ABLIM1: variants seen among roughly 807,000 people sequenced by gnomAD.
ABLIM1 encodes actin binding LIM protein 1.
In ABLIM1, 40 loss-of-function variants were observed where a neutral mutation model predicts 107.0. The observed-to-expected ratio is 0.37, with a 90% CI of 0.29 to 0.49. The LOEUF (loss-of-function observed/expected upper bound fraction) is 0.49. Ranked by LOEUF, ABLIM1 falls within the 20% of genes least tolerant of loss-of-function variation. ABLIM1 has a pLI of 0.97. For missense variants in ABLIM1, 857 were observed against 1,008.5 expected, an observed-to-expected ratio of 0.85 and a Z score of 2.04; for synonymous variants, 357 against 357.3, an observed-to-expected ratio of 1.00 and a Z score of 0.01.
chr10:114,716,449 C>G (rs2081665734), intron 1 of ABLIM1, among the ~76,000 whole-genome samples: 2 of 147,124 alleles, frequency 1.4e-5, no homozygotes, highest in Admixed American at 1.3e-4. Context: ...ACACACCCCT[C>G]CCCACAGCCT....
intron 1 of ABLIM1, among the ~76,000 whole-genome samples, chr10:114,608,785 C>A (rs1308925974): frequency 6.6e-6 from 1 of 151,998 alleles, no homozygotes; most frequent in African/African-American, 2.4e-5. Flanking sequence ...GCGGCCAAGG[C>A]GGGTGGATCA....
chr10:114,460,301 G>A (rs2063593446), intron 12 of ABLIM1, among the ~76,000 whole-genome samples: 1 of 152,076 alleles, frequency 6.6e-6, no homozygotes, highest in Non-Finnish European at 1.5e-5. Flanking sequence ...CAGAATGATG[G>A]CATCAAAAAT....
intron 1 of ABLIM1, among the ~76,000 whole-genome samples, chr10:114,696,907 G>T (rs550159909): frequency 2.6e-5 from 4 of 152,140 alleles, no homozygotes; most frequent in Non-Finnish European, 5.9e-5. Context: ...CTGAGATACT[G>T]GGAGTTAGGG....
intron 12 of ABLIM1, among the ~76,000 whole-genome samples, chr10:114,461,020 CATTTTTTCTTAAAT>C (rs2063778444): frequency 6.6e-6 from 1 of 152,054 alleles, no homozygotes; most frequent in Non-Finnish European, 1.5e-5. Context: ...ATCAATAATG[CATTTTTTCTTAAAT>C]ATCAGAAATA....
At chr10:114,786,239 A>C in the ABLIM1 span, among the ~76,000 whole-genome samples, 1 of 152,200 alleles carries the variant, frequency 6.6e-6, no homozygotes, top group Non-Finnish European at 1.5e-5. Context: ...ATGGTCTGAA[A>C]CAAAAACATA....
chr10:114,571,511 A>C lies in ABLIM1; in HGVS notation c.564-105T>G, dbSNP rs568593678. The C allele has an allele frequency of 1.4e-5, 15 of 1,100,608 alleles. No individual in the cohort carries two copies. The African/African-American group carries it at 2.0e-4, about 15-fold the overall frequency. The allele number at this position is 1,100,608 out of a possible 1,614,324, so 68.2% of individuals were successfully genotyped here. A position where few individuals can be genotyped will look rare whatever the true frequency, so the allele number is the denominator to read the frequency against. ...CCGGTGCCCATTTATTTCTTGGAGA[A>C]GCAGCAGCCAACATGTCTGAAATGC... is the stretch of plus-strand genomic sequence containing the variant. On this transcript the variant is annotated intron_variant, in intron 3 of 22. Transcript: ENST00000533213.
At chr10:114,560,475 T>C (rs1362612524) in intron 4 of ABLIM1, among the ~76,000 whole-genome samples, 1 of 152,220 alleles carries the variant, frequency 6.6e-6, no homozygotes, top group Non-Finnish European at 1.5e-5. Flanking sequence ...CCTTACCCTT[T>C]CTATGTATAG....
chr10:114,489,080 C>T (rs2058586001), intron 7 of ABLIM1, among the ~76,000 whole-genome samples: 1 of 151,970 alleles, frequency 6.6e-6, no homozygotes, highest in African/African-American at 2.4e-5. Flanking sequence ...GCAAGTGGCA[C>T]AATCTCAGCT....
At chr10:114,704,962 A>G (rs2081390796) in intron 1 of ABLIM1, among the ~76,000 whole-genome samples, 1 of 152,212 alleles carries the variant, frequency 6.6e-6, no homozygotes, top group Non-Finnish European at 1.5e-5. Flanking sequence ...AGGATTCGGT[A>G]GTCATGCCCC....
chr10:114,612,037 T>C (rs764358236), intron 1 of ABLIM1, among the ~76,000 whole-genome samples: 4 of 152,190 alleles, frequency 2.6e-5, no homozygotes, highest in Non-Finnish European at 5.9e-5. Context: ...GGGCCAAGAA[T>C]ACATGCCCGA....
chr10:114,571,193 ACT>A (rs2071628671), intron 4 of ABLIM1, 102 bp downstream of exon 4: 1 of 908,554 alleles, frequency 1.1e-6, no homozygotes, highest in African/African-American at 1.6e-5. Context: ...TAGATAGATG[ACT>A]CTCATTTCCA....
At chr10:114,594,427 T>C (rs2075215232) in intron 2 of ABLIM1, among the ~76,000 whole-genome samples, 2 of 152,194 alleles carry the variant, frequency 1.3e-5, no homozygotes, top group Admixed American at 1.3e-4. Flanking sequence ...AAGCAATTGA[T>C]AAATCTTTGT....
At chr10:114,794,583 A>G in the ABLIM1 span, among the ~76,000 whole-genome samples, 1 of 152,240 alleles carries the variant, frequency 6.6e-6, no homozygotes. Context: ...TTGAGGATAC[A>G]TATTTGTGTT....
At chr10:114,708,071 G>A (rs992748952) in intron 1 of ABLIM1, among the ~76,000 whole-genome samples, 6 of 152,178 alleles carry the variant, frequency 3.9e-5, no homozygotes, top group South Asian at 2.1e-4. Context: ...GCAACTCAAC[G>A]GTCTTGATGA....
At chr10:114,465,453 C>T (rs2064951894) in intron 12 of ABLIM1, 2 of 359,202 alleles carry the variant, frequency 5.6e-6, no homozygotes, top group Non-Finnish European at 9.1e-6. Flanking sequence ...AAACCCCTTG[C>T]TTCCAGTAGC....
intron 1 of ABLIM1, among the ~76,000 whole-genome samples, chr10:114,695,036 G>A (rs2081166757): frequency 6.6e-6 from 1 of 152,196 alleles, no homozygotes; most frequent in African/African-American, 2.4e-5. Context: ...GCATGTTACA[G>A]TTAGAGGAAG....
chr10:114,611,434 A>T lies in ABLIM1; in HGVS notation c.245-9473T>A, dbSNP rs185474324. ...GTTGCTGAGCTGAGATCACACGACT[A>T]CACACTAGCCTGGGTGACAGGTGAG... On this transcript the variant is annotated intron_variant, in intron 1 of 22. Coordinates refer to ENST00000533213, the MANE Select transcript of ABLIM1 (RefSeq NM_002313.7). Among the ~76,000 whole-genome samples, 583 of 151,650 alleles carry T rather than the reference A, an allele frequency of 3.8e-3. 6 individuals carry two copies. Among genetic ancestry groups the T allele is most frequent in the African/African-American group, 0.013 (551 of 41,374 alleles).
intron 6 of ABLIM1, among the ~76,000 whole-genome samples, chr10:114,536,948 G>A (rs1412313495): frequency 6.6e-6 from 1 of 152,152 alleles, no homozygotes; most frequent in Non-Finnish European, 1.5e-5. Context: ...AAACACAGCA[G>A]ACTCTATGAG....
intron 2 of ABLIM1, among the ~76,000 whole-genome samples, chr10:114,597,172 G>C: frequency 6.6e-6 from 1 of 152,194 alleles, no homozygotes; most frequent in Non-Finnish European, 1.5e-5. Flanking sequence ...TTTAGGACTT[G>C]GCTGCAATTG....
Sources: allele counts gnomAD v4.1 joint callset (sites outside exome capture counted in the v4.1 genomes callset), GRCh38; gene constraint gnomAD v4.1.1; transcripts MANE v1.5; gene names NCBI Gene and HGNC (gene_info 2026-07-23, HGNC 2026-07-21).